The following NTM variants were observed in gnomAD, a reference collection of about 807,000 sequenced individuals.
NTM encodes the protein neurotrimin, also known as IgLON family member 2.
A neutral mutation model predicts 42.1 loss-of-function variants in NTM; 13 were observed. The observed-to-expected ratio is 0.31, with a 90% CI of 0.20 to 0.49. NTM has a LOEUF of 0.49. Ranked by LOEUF, NTM falls within the 20% of genes least tolerant of loss-of-function variation. The pLI, the probability that NTM is intolerant of heterozygous loss-of-function variation, is 0.99. For synonymous variants in NTM, 187 were observed against 179.2 expected (o/e 1.04, Z -0.35); for missense variants, 373 against 452.8 (o/e 0.82, Z 1.60).
intron 2 of NTM, among the ~76,000 whole-genome samples, chr11:132,064,686 A>T (rs2081176503): frequency 6.6e-6 from 1 of 152,224 alleles, no homozygotes; most frequent in Admixed American, 6.5e-5. Context: ...TAGCCAGAGT[A>T]GCAGGCAGAG....
chr11:131,970,347 C>T (rs565290623), intron 2 of NTM, among the ~76,000 whole-genome samples: 2 of 152,318 alleles, frequency 1.3e-5, no homozygotes, highest in African/African-American at 4.8e-5. Context: ...GCTTGGGGAC[C>T]TCTTGCCACT....
intron 4 of NTM, among the ~76,000 whole-genome samples, chr11:132,279,856 A>G (rs1440541968): frequency 1.3e-5 from 2 of 152,206 alleles, no homozygotes; most frequent in African/African-American, 2.4e-5. Flanking sequence ...TCGTGTTATA[A>G]TAATTGTATC....
chr11:131,373,952 G>A (rs570020610), intron 1 of NTM, among the ~76,000 whole-genome samples: 8 of 152,230 alleles, frequency 5.3e-5, no homozygotes, highest in South Asian at 2.1e-4. Context: ...GGCGCCGTTC[G>A]GCTGGGCAGG....
At chr11:132,255,831 A>T (rs897248562) in intron 4 of NTM, among the ~76,000 whole-genome samples, 26 of 151,588 alleles carry the variant, frequency 1.7e-4, no homozygotes, top group African/African-American at 6.3e-4. Context: ...TCCCTGCTCC[A>T]CTGCCGTCCT....
chr11:131,656,493 A>G (rs1440229672), intron 1 of NTM, among the ~76,000 whole-genome samples: 1 of 152,240 alleles, frequency 6.6e-6, no homozygotes, highest in Non-Finnish European at 1.5e-5. Flanking sequence ...TCCCAACCAC[A>G]TGGATAGACT....
intron 1 of NTM, among the ~76,000 whole-genome samples, chr11:131,582,652 C>T (rs747000021): frequency 5.9e-5 from 9 of 151,748 alleles, no homozygotes; most frequent in Admixed American, 6.6e-5. Flanking sequence ...CAATGGATGC[C>T]TTCAAAACAC....
intron 1 of NTM, among the ~76,000 whole-genome samples, chr11:131,513,166 G>A (rs558657994): frequency 1.3e-5 from 2 of 152,326 alleles, no homozygotes; most frequent in South Asian, 4.2e-4. Flanking sequence ...TGGCCCTTCC[G>A]TGGCTGAAGG....
chr11:132,133,261 C>T lies in NTM; in HGVS notation c.168-13021C>T, dbSNP rs550929674. ...AGACTAGGCTGGGTTCCTCCACACA[C>T]GTCTACTTTCTGCACAACACCCATA... On this transcript the variant is annotated intron_variant, in intron 2 of 8. Coordinates refer to ENST00000683400, the MANE Select transcript of NTM (RefSeq NM_001352005.2). 3.1e-4 allele frequency among the ~76,000 whole-genome samples: 47 copies of T among 152,288 alleles called. No homozygotes were observed. The Middle Eastern group carries it at 0.01, about 33-fold the overall frequency.
intron 1 of NTM, among the ~76,000 whole-genome samples, chr11:131,909,357 G>C (rs950714355): frequency 2.0e-5 from 3 of 152,184 alleles, no homozygotes; most frequent in African/African-American, 7.2e-5. Flanking sequence ...AATGAGTATT[G>C]TACCGAAGCC....
At chr11:131,937,808 G>A (rs1388570816) in intron 2 of NTM, among the ~76,000 whole-genome samples, 1 of 152,170 alleles carries the variant, frequency 6.6e-6, no homozygotes, top group East Asian at 1.9e-4. Context: ...AAGGGCAGGA[G>A]GTATGGATTA....
At position 132,282,976 on chromosome 11, in the gene NTM, C is replaced by CTTTTTTTTTTTTTTTTTTTT. The variant is rs142817071; in HGVS notation, c.527-24707_527-24688dup. Among the ~76,000 whole-genome samples, 205 of 108,946 alleles carry CTTTTTTTTTTTTTTTTTTTT rather than the reference C, an allele frequency of 1.9e-3. 16 individuals are homozygous for CTTTTTTTTTTTTTTTTTTTT. The highest frequency in any genetic ancestry group is 0.015 in the Middle Eastern group (3 of 196). The allele number at this position is 108,946 out of a possible 152,430, so 71.5% of individuals were successfully genotyped here. ...AATGAAACGGGAAATTCCTTTATTCCTTTTTTTTTTTTTTTTTTTTTTTTT... is the reference window on the plus strand; with the variant it reads ...AATGAAACGGGAAATTCCTTTATTCCTTTTTTTTTTTTTTTTTTTTTTTTTTTTTTTTTTTTTTTTTTTTT... On this transcript the variant is annotated intron_variant, in intron 4 of 8. Coordinates refer to ENST00000683400, the MANE Select transcript of NTM (RefSeq NM_001352005.2).
intron 1 of NTM, among the ~76,000 whole-genome samples, chr11:131,708,584 G>A (rs775374189): frequency 6.6e-6 from 1 of 152,090 alleles, no homozygotes; most frequent in South Asian, 2.1e-4. Context: ...CTTTATTGTA[G>A]TGTTTTAGGA....
At chr11:132,190,396 A>T (rs944791591) in intron 3 of NTM, among the ~76,000 whole-genome samples, 1 of 152,148 alleles carries the variant, frequency 6.6e-6, no homozygotes, top group African/African-American at 2.4e-5. Flanking sequence ...ATTTCAGGAG[A>T]GGAAAGAAAC....
intron 1 of NTM, among the ~76,000 whole-genome samples, chr11:131,865,955 C>T (rs889295138): frequency 2.7e-5 from 4 of 147,572 alleles, no homozygotes; most frequent in Non-Finnish European, 1.5e-5. Flanking sequence ...ATGCTACATA[C>T]ACACATGCTA....
At position 132,049,568 on chromosome 11, in the gene NTM, C is replaced by T. The variant is rs1253932558; in HGVS notation, c.168-96714C>T. On this transcript the variant is annotated intron_variant, in intron 2 of 8. Coordinates refer to ENST00000683400, the MANE Select transcript of NTM (RefSeq NM_001352005.2). ...GCAGGGGTTGTCAGTGAGAGGTGAG[C>T]GCCCTTGGCTGTGAGCTGGGAGTTA... Among the ~76,000 whole-genome samples the T allele has an allele frequency of 4.6e-5, 7 of 152,288 alleles. No individual in the cohort carries two copies. The East Asian group carries it at 7.7e-4, about 17-fold the overall frequency.
intron 2 of NTM, among the ~76,000 whole-genome samples, chr11:131,937,476 C>T (rs2059350327): frequency 6.6e-6 from 1 of 152,058 alleles, no homozygotes; most frequent in African/African-American, 2.4e-5. Context: ...TAGAGAGAGG[C>T]CTGGAGATGC....
At chr11:132,110,624 A>G (rs1218073309) in intron 2 of NTM, among the ~76,000 whole-genome samples, 1 of 152,222 alleles carries the variant, frequency 6.6e-6, no homozygotes, top group Non-Finnish European at 1.5e-5. Context: ...TGAAAATTAC[A>G]TTAAAATATA....
At chr11:131,732,091 C>G (rs1035751531) in intron 1 of NTM, among the ~76,000 whole-genome samples, 2 of 152,154 alleles carry the variant, frequency 1.3e-5, no homozygotes, top group African/African-American at 4.8e-5. Flanking sequence ...CATCTATAAA[C>G]TGAAGATAAT....
chr11:131,885,398 C>T (rs982166861), intron 1 of NTM, among the ~76,000 whole-genome samples: 10 of 152,170 alleles, frequency 6.6e-5, no homozygotes, highest in Admixed American at 3.3e-4. Flanking sequence ...GTGGGGGCCC[C>T]GTGGAGAGCC....
Sources: allele counts gnomAD v4.1 joint callset (sites outside exome capture counted in the v4.1 genomes callset), GRCh38; gene constraint gnomAD v4.1.1; transcripts MANE v1.5; gene names NCBI Gene and HGNC (gene_info 2026-07-23, HGNC 2026-07-21).